The following AUTS2 variants were observed in gnomAD, a reference collection of about 807,000 sequenced individuals.
AUTS2 encodes autism susceptibility gene 2 protein.
In AUTS2, 17 loss-of-function variants were observed where a neutral mutation model predicts 112.4. The observed-to-expected ratio is 0.15, with a 90% CI of 0.10 to 0.23. AUTS2 has a LOEUF of 0.23. Ranked by LOEUF, AUTS2 falls within the 10% of genes least tolerant of loss-of-function variation. AUTS2 has a pLI of 1.00. For synonymous variants in AUTS2, 751 were observed against 702.7 expected (o/e 1.07, Z -1.09); for missense variants, 1,510 against 1,701.6 (o/e 0.89, Z 1.98).
At position 69,599,512 on chromosome 7, in the gene AUTS2, T is replaced by A; in HGVS notation, c.-142T>A. ...TCTTTCTTCCCCTCTCTCCCTTCTT[T>A]CGGCCGCCGTCTCCCCCGCGCCCTC... On this transcript the variant is annotated 5_prime_UTR_variant, in exon 1 of 19. Transcript: ENST00000342771. This position sits in a 1 kb window ranked among gnomAD's most constrained non-coding sequence, Gnocchi z 7.0. 2 of 703,896 alleles carry A rather than the reference T, an allele frequency of 2.8e-6. No homozygotes were observed. Among genetic ancestry groups the A allele is most frequent in the Non-Finnish European group, 3.9e-6 (2 of 512,306 alleles). The allele number at this position is 703,896 out of a possible 1,614,324, so 43.6% of individuals were successfully genotyped here. A position where few individuals can be genotyped will look rare whatever the true frequency, so the allele number is the denominator to read the frequency against.
At chr7:70,265,702 G>A (rs1431464597) in intron 4 of AUTS2, among the ~76,000 whole-genome samples, 3 of 152,190 alleles carry the variant, frequency 2.0e-5, no homozygotes, top group Non-Finnish European at 4.4e-5. Flanking sequence ...ATTAATTCTT[G>A]ACTGATTGGG....
chr7:70,590,154 G>GTATATA (rs538526470), intron 5 of AUTS2, among the ~76,000 whole-genome samples: 2 of 103,318 alleles, frequency 1.9e-5, no homozygotes, highest in African/African-American at 8.9e-5. Flanking sequence ...GTGTGTGTAT[G>GTATATA]TATGTATATA....
At chr7:69,982,394 A>G (rs538317310) in intron 2 of AUTS2, among the ~76,000 whole-genome samples, 2 of 152,286 alleles carry the variant, frequency 1.3e-5, no homozygotes, top group South Asian at 4.1e-4. Context: ...AGAAAGATTA[A>G]AAGAACAAGG....
chr7:70,144,103 T>C (rs1807000901), intron 4 of AUTS2, among the ~76,000 whole-genome samples: 1 of 151,926 alleles, frequency 6.6e-6, no homozygotes, highest in African/African-American at 2.4e-5. Context: ...CTCTTACTGC[T>C]CCTCAGAGTT....
chr7:70,510,315 C>T (rs1011106007), intron 5 of AUTS2, among the ~76,000 whole-genome samples: 10 of 152,244 alleles, frequency 6.6e-5, no homozygotes, highest in African/African-American at 1.9e-4. Context: ...CTTTATCTTT[C>T]TCATTCCATT....
chr7:70,782,471 G>C (rs1563196200), intron 15 of AUTS2: 2 of 152,372 alleles, frequency 1.3e-5, no homozygotes, highest in Middle Eastern at 3.4e-3. Context: ...TCCTGCTCCA[G>C]GTACAAACAA....
chr7:70,408,553 A>G (rs1234669844), intron 4 of AUTS2, among the ~76,000 whole-genome samples: 4 of 152,208 alleles, frequency 2.6e-5, no homozygotes, highest in African/African-American at 9.6e-5. Flanking sequence ...TCACCCATCT[A>G]GTGCTTACAG....
intron 1 of AUTS2, among the ~76,000 whole-genome samples, chr7:69,760,931 G>A (rs1278675289): frequency 6.6e-6 from 1 of 152,158 alleles, no homozygotes; most frequent in African/African-American, 2.4e-5. Context: ...ACGAATCTCT[G>A]GTTGTAGTTA....
chr7:70,480,776 C>T (rs892230186), intron 5 of AUTS2, among the ~76,000 whole-genome samples: 3 of 152,116 alleles, frequency 2.0e-5, no homozygotes, highest in African/African-American at 7.2e-5. Context: ...ACATAATGGA[C>T]CACCAGGAAA....
chr7:70,110,202 CT>C (rs1314576024), intron 2 of AUTS2, among the ~76,000 whole-genome samples: 1 of 152,158 alleles, frequency 6.6e-6, no homozygotes, highest in African/African-American at 2.4e-5. Context: ...TTAGATTGAT[CT>C]TGGCTTATTT....
chr7:70,139,564 C>T (rs1298774018), intron 4 of AUTS2, among the ~76,000 whole-genome samples: 1 of 152,130 alleles, frequency 6.6e-6, no homozygotes, highest in East Asian at 1.9e-4. Context: ...ATATTTCTGA[C>T]ACATTGTATT....
At chr7:69,943,304 C>T (rs1796695118) in intron 2 of AUTS2, among the ~76,000 whole-genome samples, 1 of 152,178 alleles carries the variant, frequency 6.6e-6, no homozygotes, top group African/African-American at 2.4e-5. Flanking sequence ...TAGTATGTTT[C>T]CTATAAATAT....
Position 70,790,753 on chromosome 7 carries a change from C to T in AUTS2, c.3537C>T (p.Leu1179=), listed in dbSNP as rs71549378. ...ACCCCGCCTCCCTCGACGGACACCT[C>T]CCCCACCCCAGCCTCATCACCCCGG... The part of the protein sequence containing the change: ...SVHPASLDGH[L]PHPSLITPGL... The change falls in exon 19 of 19, where the codon CTC becomes CTT. Residue 1179 remains leucine (L), a synonymous_variant. Coordinates refer to ENST00000342771, the MANE Select transcript of AUTS2 (RefSeq NM_015570.4). This position sits in a 1 kb window ranked among gnomAD's most constrained non-coding sequence, Gnocchi z 7.6. The T allele has an allele frequency of 6.2e-7, 1 of 1,613,284 alleles. No homozygotes were observed. Among genetic ancestry groups the T allele is most frequent in the African/African-American group, 1.3e-5 (1 of 74,902 alleles).
intron 4 of AUTS2, among the ~76,000 whole-genome samples, chr7:70,337,711 T>C (rs1299147012): frequency 6.6e-6 from 1 of 152,224 alleles, no homozygotes; most frequent in Non-Finnish European, 1.5e-5. Flanking sequence ...TATTCTTCTT[T>C]TATGAAAAAT....
Position 70,777,152 on chromosome 7 carries a change from A to G in AUTS2, c.1982A>G (p.Tyr661Cys). 6.2e-7 allele frequency: 1 copy of G among 1,614,104 alleles called. No individual in the cohort carries two copies. The highest frequency in any genetic ancestry group is 8.5e-7 in the Non-Finnish European group (1 of 1,180,012). Residue 661 changes from tyrosine (Y) to cysteine (C), a missense_variant, in exon 14 of 19, where the codon TAC becomes TGC. Transcript: ENST00000342771. ...CATGTTCACATCGCCTGGCAGATTT[A>G]CCACCACCAACAGAAAGTCAAGGTC... ...AMHVHIAWQIYHHQQKVKKQM... is the reference protein window; with the variant it reads ...AMHVHIAWQICHHQQKVKKQM...
intron 5 of AUTS2, among the ~76,000 whole-genome samples, chr7:70,491,030 C>T (rs2116407807): frequency 6.6e-6 from 1 of 152,300 alleles, no homozygotes; most frequent in African/African-American, 2.4e-5. Context: ...CCAGTTTCAT[C>T]CACTGGTCAC....
chr7:69,788,793 A>G (rs1242750976), intron 1 of AUTS2, among the ~76,000 whole-genome samples: 1 of 151,690 alleles, frequency 6.6e-6, no homozygotes, highest in African/African-American at 2.4e-5. Flanking sequence ...AGACACTTCT[A>G]TGCCCCTTAA....
At chr7:69,678,590 C>A (rs2129165650) in intron 1 of AUTS2, among the ~76,000 whole-genome samples, 1 of 152,238 alleles carries the variant, frequency 6.6e-6, no homozygotes, top group South Asian at 2.1e-4. Context: ...CTAGAGTTGG[C>A]CTGGAGTTTT....
At chr7:69,638,687 G>A (rs1453248507) in intron 1 of AUTS2, among the ~76,000 whole-genome samples, 1 of 152,046 alleles carries the variant, frequency 6.6e-6, no homozygotes, top group Non-Finnish European at 1.5e-5. Context: ...TCACAGTGGA[G>A]GTTTTAATTT....
Sources: allele counts gnomAD v4.1 joint callset (sites outside exome capture counted in the v4.1 genomes callset), GRCh38; gene constraint gnomAD v4.1.1; non-coding constraint Gnocchi (gnomAD v3.1); transcripts MANE v1.5; gene names NCBI Gene and HGNC (gene_info 2026-07-23, HGNC 2026-07-21).